Variants in THOC7 observed in about 807,000 individuals in gnomAD.
The protein encoded by THOC7 is THO complex subunit 7.
In THOC7, 22 loss-of-function variants were observed where a neutral mutation model predicts 33.1. The ratio of observed to expected loss-of-function variants is 0.66; its 90% confidence interval spans 0.47 to 0.95. The LOEUF (loss-of-function observed/expected upper bound fraction) is 0.95, where lower values mean the gene tolerates loss of function less well. THOC7 is among the 40% of genes least tolerant of loss of function. The pLI is 0.00. For synonymous variants in THOC7, 77 were observed against 76.8 expected, an observed-to-expected ratio of 1.00 and a Z score of -0.01; for missense variants, 184 against 245.3, an observed-to-expected ratio of 0.75 and a Z score of 1.67.
In THOC7 at chr3:63,845,152, C is replaced by G. The variant is rs1041202684; in HGVS notation, c.20-5379G>C. 6.5e-6 allele frequency: 4 copies of G among 612,028 alleles called. No homozygotes were observed. The African/African-American group carries it at 7.4e-5, about 11-fold the overall frequency. The allele number at this position is 612,028 out of a possible 1,614,324, so 37.9% of individuals were successfully genotyped here. ...TCATGTAGCCCTGAGGGTTAAGTCCCCCTCAGATCTGAGCTCTGCTCTCTT... is the reference window on the plus strand; with the variant it reads ...TCATGTAGCCCTGAGGGTTAAGTCCGCCTCAGATCTGAGCTCTGCTCTCTT... On this transcript the variant is annotated intron_variant, in intron 1 of 7. Transcript: ENST00000295899.
chr3:63,838,395 T>C lies in THOC7; in HGVS notation c.242A>G (p.Tyr81Cys). The C allele has an allele frequency of 1.3e-6, 2 of 1,559,174 alleles. No individual in the cohort carries two copies. Among genetic ancestry groups the C allele is most frequent in the Non-Finnish European group, 1.8e-6 (2 of 1,141,734 alleles). ...YDMNLREMEN[Y>C]EKIYKEIECS... The stretch of plus-strand genomic sequence containing the variant: ...ACCTATTTCCTTGTAAATTTTTTCA[T>C]AATTTTCCATTTCTCTGAGATTCAT... The change falls in exon 3 of 8, where the codon TAT (tyrosine) becomes TGT (cysteine). Residue 81 changes from tyrosine (Y) to cysteine (C), a missense_variant. Tyr to Cys is a radical substitution (Grantham distance 194). Transcript: ENST00000295899.
intron 1 of THOC7, among the ~76,000 whole-genome samples, chr3:63,842,284 G>C (rs1046444694): frequency 6.6e-6 from 1 of 152,170 alleles, no homozygotes; most frequent in Admixed American, 6.6e-5. Context: ...CCCACTGAGA[G>C]AGGCTATTAT....
At chr3:63,849,606 A>G (rs768610944) in intron 1 of THOC7, among the ~76,000 whole-genome samples, 4 of 152,222 alleles carry the variant, frequency 2.6e-5, no homozygotes, top group Non-Finnish European at 4.4e-5. Flanking sequence ...AAAGACGGCT[A>G]TGTAGTTATT....
chr3:63,847,534 C>T (rs558087705), intron 1 of THOC7, among the ~76,000 whole-genome samples: 81 of 152,178 alleles, frequency 5.3e-4, no homozygotes, highest in African/African-American at 1.9e-3. Context: ...GGTTAGGAGT[C>T]GAGACCAGGC....
intron 1 of THOC7, among the ~76,000 whole-genome samples, chr3:63,860,029 T>A (rs1419883610): frequency 6.6e-6 from 1 of 152,162 alleles, no homozygotes; most frequent in Non-Finnish European, 1.5e-5. Flanking sequence ...AGTGCAGTGG[T>A]GCAATCATGG....
intron 1 of THOC7, among the ~76,000 whole-genome samples, chr3:63,862,762 C>T (rs1702256714): frequency 6.6e-6 from 1 of 152,142 alleles, no homozygotes; most frequent in Non-Finnish European, 1.5e-5. Flanking sequence ...GAAAAACACC[C>T]AAGAGCCCTA....
chr3:63,835,486 A>AT lies in THOC7; in HGVS notation c.411-97dup, dbSNP rs1003165836. The AT allele has an allele frequency of 1.7e-5, 19 of 1,123,038 alleles. No homozygotes were observed. The African/African-American group carries it at 2.0e-4, about 12-fold the overall frequency. 69.6% of individuals were successfully genotyped at this position (1,123,038 alleles called of 1,614,324 possible). Reference sequence around the variant, plus strand: ...TAAGTTACTAGATAGGATTTTTAAAATAAAAAAAGGGCTTATAAGGAGTTA... The same window carrying AT: ...TAAGTTACTAGATAGGATTTTTAAAATTAAAAAAAGGGCTTATAAGGAGTTA... On this transcript the variant is annotated intron_variant, in intron 5 of 7. Transcript: ENST00000295899.
At chr3:63,854,574 C>G (rs1365873920) in intron 1 of THOC7, 2 of 152,164 alleles carry the variant, frequency 1.3e-5, no homozygotes, top group African/African-American at 2.4e-5. Context: ...TGAACATCAT[C>G]TGGAAAGAGT....
intron 1 of THOC7, chr3:63,861,038 A>G (rs529400110): frequency 1.3e-5 from 2 of 152,334 alleles, no homozygotes; most frequent in South Asian, 4.1e-4. Flanking sequence ...AGATTAGTAA[A>G]ACAACTCTGA....
At chr3:63,836,435 A>C in intron 4 of THOC7, 77 bp from the exon 5 acceptor site, 1 of 1,348,486 alleles carries the variant, frequency 7.4e-7, no homozygotes, top group Non-Finnish European at 1.1e-6. Context: ...GTAATATCAC[A>C]AACCTCTCCT....
At chr3:63,863,890 A>G, upstream of THOC7, 1 of 1,133,588 alleles carries the variant, frequency 8.8e-7, no homozygotes, top group Non-Finnish European at 1.1e-6. Context: ...GTAAACAGCC[A>G]TGGAGGAGGA....
intron 1 of THOC7, among the ~76,000 whole-genome samples, chr3:63,846,671 A>G (rs763952802): frequency 1.9e-4 from 29 of 152,058 alleles, no homozygotes; most frequent in Non-Finnish European, 3.7e-4. Context: ...TCGGCCTCCT[A>G]AAGTGCGGGA....
At position 63,838,265 on chromosome 3, in the gene THOC7, C is replaced by T. The variant is rs1196278566; in HGVS notation, c.265+107G>A. The T allele has an allele frequency of 7.4e-6, 7 of 949,716 alleles. No homozygotes were observed. In the Admixed American group the frequency reaches 1.2e-4, roughly 17 times the overall value. 58.8% of individuals were successfully genotyped at this position (949,716 alleles called of 1,614,324 possible). A position where few individuals can be genotyped will look rare whatever the true frequency, so the allele number is the denominator to read the frequency against. On this transcript the variant is annotated intron_variant, in intron 3 of 7. Coordinates refer to ENST00000295899, the MANE Select transcript of THOC7 (RefSeq NM_025075.4). ...ATTTACTGTATTCTTTCCATTAATACAGTAATTGTTATTATTCTTTTACCA... is the reference window on the plus strand; with the variant it reads ...ATTTACTGTATTCTTTCCATTAATATAGTAATTGTTATTATTCTTTTACCA...
intron 1 of THOC7, among the ~76,000 whole-genome samples, chr3:63,843,814 T>G (rs548602829): frequency 2.6e-4 from 40 of 151,716 alleles, no homozygotes; most frequent in South Asian, 2.5e-3. Flanking sequence ...GGCAGGAGAA[T>G]GGCGTGAACC....
chr3:63,853,045 G>A (rs1311573563), intron 1 of THOC7, among the ~76,000 whole-genome samples: 3 of 151,946 alleles, frequency 2.0e-5, no homozygotes, highest in Admixed American at 1.3e-4. Context: ...CAGCTACTCG[G>A]GAGGCTGAGA....
chr3:63,863,888 C>G (rs1369728331), upstream of THOC7: 6 of 1,152,080 alleles, frequency 5.2e-6, no homozygotes, highest in Non-Finnish European at 6.4e-6. Flanking sequence ...GGGTAAACAG[C>G]CATGGAGGAG....
chr3:63,854,681 G>A (rs988053746), intron 1 of THOC7: 6 of 152,164 alleles, frequency 3.9e-5, no homozygotes, highest in African/African-American at 1.4e-4. Context: ...CATCCATCTA[G>A]CTCCTGGAAA....
At chr3:63,864,479 A>T (rs1265350932), upstream of THOC7, 1 of 152,050 alleles carries the variant, frequency 6.6e-6, no homozygotes, top group Non-Finnish European at 1.5e-5. Context: ...CCGGCAATCA[A>T]AAAAGGCCCC....
rs1237064743 is a variant in THOC7, at chr3:63,834,005, T to C, written c.*127A>G. ...TGAGAGGAAATATGAATGAAATACA[T>C]TCATACTTAAAAACAGAGTATTTTA... On this transcript the variant is annotated 3_prime_UTR_variant, in exon 8 of 8. Coordinates refer to ENST00000295899, the MANE Select transcript of THOC7 (RefSeq NM_025075.4). 2 of 812,696 alleles carry C rather than the reference T, an allele frequency of 2.5e-6. No individual in the cohort carries two copies. The highest frequency in any genetic ancestry group is 2.7e-5 in the East Asian group (1 of 36,968). The allele number at this position is 812,696 out of a possible 1,614,324, so 50.3% of individuals were successfully genotyped here. A position where few individuals can be genotyped will look rare whatever the true frequency, so the allele number is the denominator to read the frequency against.
Sources: allele counts gnomAD v4.1 joint callset (sites outside exome capture counted in the v4.1 genomes callset), GRCh38; gene constraint gnomAD v4.1.1; transcripts MANE v1.5; gene names NCBI Gene and HGNC (gene_info 2026-07-23, HGNC 2026-07-21).